ANO10: variants seen among roughly 807,000 people sequenced by gnomAD.
ANO10 encodes the protein anoctamin 10.
ANO10 carries 77 observed loss-of-function variants against 74.7 expected under a neutral mutation model. The ratio of observed to expected loss-of-function variants is 1.03; its 90% CI spans 0.86 to 1.25. The LOEUF is 1.25. Ranked by LOEUF, ANO10 falls within the 50% of genes most tolerant of loss-of-function variation. ANO10 has a pLI of 0.00. For missense variants in ANO10, 721 were observed against 778.1 expected, an observed-to-expected ratio of 0.93 and a Z score of 0.87; for synonymous variants, 279 against 284.9, an observed-to-expected ratio of 0.98 and a Z score of 0.21.
chr3:43,429,136 C>T (rs930988440), intron 12 of ANO10, among the ~76,000 whole-genome samples: 4 of 152,068 alleles, frequency 2.6e-5, no homozygotes, highest in African/African-American at 9.7e-5. Context: ...AAACACATAT[C>T]CATGACACCC....
At chr3:43,649,839 G>C (rs184866753) in intron 1 of ANO10, among the ~76,000 whole-genome samples, 314 of 152,266 alleles carry the variant, frequency 2.1e-3, no homozygotes, top group African/African-American at 7.0e-3. Context: ...AGTCACCACT[G>C]CTGCTCAAAT....
rs549021311 is a variant in ANO10, at chr3:43,548,935, AT to A, written c.1797+784del. Among the ~76,000 whole-genome samples, 6 of 152,316 alleles carry A rather than the reference AT, an allele frequency of 3.9e-5. No individual in the cohort carries two copies. In the East Asian group the frequency reaches 1.2e-3, roughly 29 times the overall value. The stretch of plus-strand genomic sequence containing the variant: ...TGTGAAATTATCTATCGTCCTACAA[AT>A]TACATTTTGAAGTTTGAGAGTGTTT... On this transcript the variant is annotated intron_variant, in intron 11 of 12. Coordinates refer to ENST00000292246, the MANE Select transcript of ANO10 (RefSeq NM_018075.5).
intron 10 of ANO10, 119 bp from the exon 11 acceptor site, chr3:43,549,967 G>A (rs1395717330): frequency 8.4e-7 from 1 of 1,195,430 alleles, no homozygotes; most frequent in Non-Finnish European, 1.2e-6. Context: ...AACATTCCAA[G>A]TACATTTTAA....
intron 4 of ANO10, among the ~76,000 whole-genome samples, chr3:43,591,590 G>T (rs2149448870): frequency 6.6e-6 from 1 of 152,256 alleles, no homozygotes; most frequent in South Asian, 2.1e-4. Flanking sequence ...TTGGAAGGTG[G>T]TATTACACTA....
At chr3:43,689,533 T>C (rs1241334958) in intron 1 of ANO10, 1 of 152,200 alleles carries the variant, frequency 6.6e-6, no homozygotes, top group African/African-American at 2.4e-5. Flanking sequence ...ATGAATTAGA[T>C]CAAACACAAT....
intron 2 of ANO10, among the ~76,000 whole-genome samples, chr3:43,603,065 T>C (rs1300057406): frequency 6.6e-6 from 1 of 152,226 alleles, no homozygotes; most frequent in African/African-American, 2.4e-5. Flanking sequence ...TACATGTTAT[T>C]TAGAGCTAAG....
chr3:43,492,986 A>G (rs974660645), intron 11 of ANO10, among the ~76,000 whole-genome samples: 2 of 152,238 alleles, frequency 1.3e-5, no homozygotes, highest in African/African-American at 2.4e-5. Context: ...ACACATGCAC[A>G]TGTATGTTTA....
chr3:43,390,518 A>C (rs1433066912), intron 12 of ANO10, among the ~76,000 whole-genome samples: 1 of 152,182 alleles, frequency 6.6e-6, no homozygotes, highest in Non-Finnish European at 1.5e-5. Flanking sequence ...CATGTGCCAC[A>C]TCTTCTATGA....
At position 43,369,691 on chromosome 3, in the gene ANO10, G is replaced by C. The variant is rs113782543; in HGVS notation, c.1915-2717C>G. The stretch of plus-strand genomic sequence containing the variant: ...TCCCTCCCAGGGCCATGGTATGGAG[G>C]GGGGCTCAGCTCGACTCCCTGGGTT... On this transcript the variant is annotated intron_variant, in intron 12 of 12. Transcript: ENST00000292246. 3.9e-5 allele frequency among the ~76,000 whole-genome samples: 6 copies of C among 152,298 alleles called. No individual in the cohort carries two copies. The East Asian group carries it at 5.8e-4, about 15-fold the overall frequency.
chr3:43,520,240 G>A (rs1369995818), intron 11 of ANO10, among the ~76,000 whole-genome samples: 1 of 152,092 alleles, frequency 6.6e-6, no homozygotes, highest in Non-Finnish European at 1.5e-5. Context: ...GTTGATTTTT[G>A]TATATAGTGT....
chr3:43,411,699 T>C (rs1466369251), intron 12 of ANO10, among the ~76,000 whole-genome samples: 1 of 152,166 alleles, frequency 6.6e-6, no homozygotes, highest in African/African-American at 2.4e-5. Flanking sequence ...ATACTTTAGC[T>C]ACAAAAAAGC....
rs1405303441 is a variant in ANO10 at position 43,580,375 on chromosome 3, A to C, written c.570T>G (p.Phe190Leu). The C allele has an allele frequency of 6.2e-7, 1 of 1,614,064 alleles. No individual in the cohort carries two copies. Among genetic ancestry groups the C allele is most frequent in the East Asian group, 2.2e-5 (1 of 44,854 alleles). ...KKLEDTWYTR[F>L]ALKYQPIDSI... The stretch of plus-strand genomic sequence containing the variant: ...TACCTATGGGCTGATACTTCAAAGC[A>C]AACCGAGTGTACCAGGTGTCCTCAA... Residue 190 changes from phenylalanine to leucine, a missense_variant, in exon 5 of 13, where the codon TTT becomes TTG. By Grantham distance (22) the Phe-to-Leu change is conservative. Transcript: ENST00000292246.
In ANO10 at chr3:43,530,366, G is replaced by A. The variant is rs553000639; in HGVS notation, c.1797+19354C>T. ...AAGCAGTAATTTAAAAGATCTACAC[G>A]TTATGTTTAACAGGATAGAGGTTAT... On this transcript the variant is annotated intron_variant, in intron 11 of 12. Coordinates refer to ENST00000292246, the MANE Select transcript of ANO10 (RefSeq NM_018075.5). Among the ~76,000 whole-genome samples, 96 of 150,792 alleles carry A rather than the reference G, an allele frequency of 6.4e-4. No individual in the cohort carries two copies. The South Asian group carries it at 0.014, about 22-fold the overall frequency.
Position 43,438,794 on chromosome 3 carries a change from A to G in ANO10, c.1798-6067T>C, listed in dbSNP as rs532211188. Among the ~76,000 whole-genome samples, 287 of 152,234 alleles carry G rather than the reference A, an allele frequency of 1.9e-3. 1 individual carries two copies. Among genetic ancestry groups the G allele is most frequent in the African/African-American group, 5.0e-3 (209 of 41,536 alleles). On this transcript the variant is annotated intron_variant, in intron 11 of 12. Transcript: ENST00000292246. ...ATGAGGTTCAACAGCAGATTTGAAC[A>G]AGCAGAAAAAAAGAATCAGTGAACT...
chr3:43,399,992 A>G (rs1015149207), intron 12 of ANO10, among the ~76,000 whole-genome samples: 2 of 152,124 alleles, frequency 1.3e-5, no homozygotes, highest in Admixed American at 6.6e-5. Context: ...CCTCCAATAC[A>G]GGGAGTGCTC....
intron 11 of ANO10, among the ~76,000 whole-genome samples, chr3:43,476,798 A>G (rs901801085): frequency 2.4e-4 from 36 of 152,346 alleles, no homozygotes; most frequent in African/African-American, 8.2e-4. Flanking sequence ...CTCAAAGAAA[A>G]TGAAGACTAT....
intron 11 of ANO10, among the ~76,000 whole-genome samples, chr3:43,451,619 G>A (rs569533069): frequency 1.3e-5 from 2 of 152,206 alleles, no homozygotes; most frequent in East Asian, 3.9e-4. Flanking sequence ...TAGGGATGAA[G>A]GGTGGGGATT....
chr3:43,528,259 A>G (rs942908735), intron 11 of ANO10, among the ~76,000 whole-genome samples: 28 of 152,174 alleles, frequency 1.8e-4, no homozygotes, highest in African/African-American at 6.3e-4. Context: ...AATAAAACAG[A>G]CATTGAGAAT....
intron 11 of ANO10, among the ~76,000 whole-genome samples, chr3:43,527,054 C>A: frequency 6.6e-6 from 1 of 151,182 alleles, no homozygotes. Context: ...CACACACACA[C>A]ACACACACAG....
Sources: gnomAD v4.1 joint callset for allele counts (sites outside exome capture counted in the v4.1 genomes callset) on GRCh38, gnomAD v4.1.1 for gene constraint, MANE v1.5 for transcripts, NCBI Gene and HGNC (gene_info 2026-07-23, HGNC 2026-07-21) for gene names.